Variants in CAMK4 observed in about 807,000 individuals in gnomAD.
CAMK4 encodes calcium/calmodulin-dependent protein kinase type IV.
Under a neutral mutation model 44.9 loss-of-function variants are expected in CAMK4, and 22 were observed. The ratio of observed to expected loss-of-function variants is 0.49; its 90% CI spans 0.35 to 0.70. The LOEUF (loss-of-function observed/expected upper bound fraction) is 0.70, where lower values mean the gene tolerates loss of function less well. Among genes scored for constraint, CAMK4 ranks in the 30% least tolerant of loss-of-function variants. The pLI is 0.01. For synonymous variants in CAMK4, 218 were observed against 215.4 expected (o/e 1.01, Z -0.11); for missense variants, 498 against 586.8 (o/e 0.85, Z 1.56).
chr5:111,390,492 C>T (rs1751758984), intron 4 of CAMK4, among the ~76,000 whole-genome samples: 1 of 152,014 alleles, frequency 6.6e-6, no homozygotes, highest in South Asian at 2.1e-4. Context: ...CTAAAGAAAA[C>T]AGAAATCAAA....
rs549198137 is a variant in CAMK4 at position 111,294,598 on chromosome 5, T to C, written c.162-49426T>C. Reference sequence around the variant, plus strand: ...AAGCAAGATGGTGATATCTTATAAATGCTAGCACTGTCTAAACTATGAAGA... The same window carrying C: ...AAGCAAGATGGTGATATCTTATAAACGCTAGCACTGTCTAAACTATGAAGA... On this transcript the variant is annotated intron_variant, in intron 1 of 10. Transcript: ENST00000282356. Among the ~76,000 whole-genome samples the C allele has an allele frequency of 2.6e-5, 4 of 152,306 alleles. No homozygotes were observed. In the East Asian group the frequency reaches 7.7e-4, roughly 29 times the overall value.
chr5:111,389,566 G>T (rs551057205), intron 4 of CAMK4, among the ~76,000 whole-genome samples: 4 of 152,264 alleles, frequency 2.6e-5, no homozygotes, highest in African/African-American at 7.2e-5. Flanking sequence ...GTGGAAGTTG[G>T]CTCTCTTCAA....
chr5:111,443,716 T>C (rs746812788), intron 5 of CAMK4, among the ~76,000 whole-genome samples: 2 of 152,218 alleles, frequency 1.3e-5, no homozygotes, highest in Non-Finnish European at 1.5e-5. Context: ...AGTTCTTTGC[T>C]AAACAAAACT....
chr5:111,447,771 A>C (rs1054954738), intron 6 of CAMK4, among the ~76,000 whole-genome samples: 3 of 152,216 alleles, frequency 2.0e-5, no homozygotes, highest in African/African-American at 7.2e-5. Flanking sequence ...TGTTCATATC[A>C]GGGAAGAGCT....
At chr5:111,330,015 A>T (rs1172857004) in intron 1 of CAMK4, among the ~76,000 whole-genome samples, 7 of 151,612 alleles carry the variant, frequency 4.6e-5, no homozygotes, top group African/African-American at 1.7e-4. Context: ...AGAAAAAGGT[A>T]AAGTTTGAAG....
chr5:111,303,908 C>T (rs1747842450), intron 1 of CAMK4, among the ~76,000 whole-genome samples: 9 of 130,224 alleles, frequency 6.9e-5, no homozygotes, highest in Admixed American at 6.1e-4. Context: ...CGGCAGAAAC[C>T]CTACAAGCCG....
At chr5:111,291,215 A>T (rs1353266157) in intron 1 of CAMK4, among the ~76,000 whole-genome samples, 1 of 152,194 alleles carries the variant, frequency 6.6e-6, no homozygotes, top group Non-Finnish European at 1.5e-5. Context: ...CAGTGGTGAC[A>T]TTATCTTCTC....
At chr5:111,354,507 T>A (rs1750246517) in intron 2 of CAMK4, among the ~76,000 whole-genome samples, 2 of 151,912 alleles carry the variant, frequency 1.3e-5, no homozygotes, top group Non-Finnish European at 2.9e-5. Context: ...GGCAATCATT[T>A]TGCAATGCGT....
chr5:111,393,420 C>T (rs529319738), intron 4 of CAMK4, among the ~76,000 whole-genome samples: 3 of 152,116 alleles, frequency 2.0e-5, no homozygotes, highest in African/African-American at 7.2e-5. Context: ...AAATGTGATT[C>T]TATCCCCTTG....
At chr5:111,445,953 G>T (rs13182172) in intron 5 of CAMK4, among the ~76,000 whole-genome samples, 51,059 of 152,096 alleles carry the variant, frequency 0.34, 10,236 homozygotes, top group Middle Eastern at 0.5. Flanking sequence ...ACTGGAACTG[G>T]ATCTGGGGGA....
At chr5:111,432,692 A>G (rs1262882372) in intron 5 of CAMK4, among the ~76,000 whole-genome samples, 1 of 147,006 alleles carries the variant, frequency 6.8e-6, no homozygotes, top group Non-Finnish European at 1.5e-5. Flanking sequence ...ACATTTATGT[A>G]TTTAAGAAAC....
chr5:111,436,791 GA>G (rs1235614965), intron 5 of CAMK4, among the ~76,000 whole-genome samples: 1 of 152,156 alleles, frequency 6.6e-6, no homozygotes, highest in Non-Finnish European at 1.5e-5. Flanking sequence ...TACAATTTAT[GA>G]AAAGTTTCAG....
At chr5:111,395,941 G>A (rs529176021) in intron 5 of CAMK4, among the ~76,000 whole-genome samples, 4 of 152,092 alleles carry the variant, frequency 2.6e-5, no homozygotes, top group South Asian at 4.2e-4. Flanking sequence ...TCTATTATTC[G>A]GAGTTAGTTA....
At chr5:111,271,485 C>G (rs1561376306) in intron 1 of CAMK4, among the ~76,000 whole-genome samples, 1 of 152,078 alleles carries the variant, frequency 6.6e-6, no homozygotes, top group Non-Finnish European at 1.5e-5. Flanking sequence ...TACATTTTCA[C>G]CATGATTCTT....
chr5:111,448,012 C>A (rs1315372014), intron 6 of CAMK4, among the ~76,000 whole-genome samples: 1 of 152,192 alleles, frequency 6.6e-6, no homozygotes, highest in Non-Finnish European at 1.5e-5. Flanking sequence ...GGGCTTCCTG[C>A]TGCTTCCACT....
At position 111,337,840 on chromosome 5, in the gene CAMK4, G is replaced by C. The variant is rs188242396; in HGVS notation, c.162-6184G>C. Among the ~76,000 whole-genome samples the C allele has an allele frequency of 2.3e-3, 352 of 151,138 alleles. 4 individuals are homozygous for C. Among genetic ancestry groups the C allele is most frequent in the African/African-American group, 7.8e-3 (322 of 41,398 alleles). ...GAAAACTGGTCTCTAGTTACAACAG[G>C]CAAGTTTCAGCAGCCGGACTTGTAA... On this transcript the variant is annotated intron_variant, in intron 1 of 10. Transcript: ENST00000282356.
rs1755606057 is a variant in CAMK4, at chr5:111,486,057, G to A, written c.*1591G>A. 2 of 152,004 alleles carry A rather than the reference G, an allele frequency of 1.3e-5. No homozygotes were observed. The highest frequency in any genetic ancestry group is 1.3e-4 in the Admixed American group (2 of 15,256). The allele number at this position is 152,004 out of a possible 1,614,324, so 9.4% of individuals were successfully genotyped here. A position where few individuals can be genotyped will look rare whatever the true frequency, so the allele number is the denominator to read the frequency against. The stretch of plus-strand genomic sequence containing the variant: ...TAAAAAAGAGATCTTAAATTATGTT[G>A]GCTCTCCCTCAAAACTATTAAATTA... On this transcript the variant is annotated 3_prime_UTR_variant, in exon 11 of 11. Transcript: ENST00000282356.
intron 2 of CAMK4, 135 bp from the exon 3 acceptor site, chr5:111,374,715 G>A (rs1299734727): frequency 3.2e-6 from 2 of 626,884 alleles, no homozygotes; most frequent in African/African-American, 1.8e-5. Flanking sequence ...AAGAGAGGAA[G>A]GAGACACACA....
chr5:111,293,713 G>A (rs951635287), intron 1 of CAMK4, among the ~76,000 whole-genome samples: 3 of 143,978 alleles, frequency 2.1e-5, no homozygotes, highest in South Asian at 2.2e-4. Context: ...GATTACAGGC[G>A]TGAGCCATCA....
Sources: gnomAD v4.1 joint callset for allele counts (sites outside exome capture counted in the v4.1 genomes callset) on GRCh38, gnomAD v4.1.1 for gene constraint, MANE v1.5 for transcripts, NCBI Gene and HGNC (gene_info 2026-07-23, HGNC 2026-07-21) for gene names.